The following NREP variants were observed in gnomAD, a reference collection of about 807,000 sequenced individuals.
NREP encodes neuronal regeneration related protein, also known as neuronal regeneration-related protein.
In NREP, 5 loss-of-function variants were observed where a neutral mutation model predicts 8.6. The ratio of observed to expected loss-of-function variants is 0.58; its 90% CI spans 0.30 to 1.22. The LOEUF (loss-of-function observed/expected upper bound fraction) is 1.22. Ranked by LOEUF, NREP falls within the 50% of genes most tolerant of loss-of-function variation. NREP has a pLI of 0.07. For synonymous variants in NREP, 27 were observed against 28.0 expected (o/e 0.96, Z 0.11); for missense variants, 86 against 82.5 (o/e 1.04, Z -0.17).
At chr5:111,851,331 T>G (rs534547203) in intron 2 of NREP, among the ~76,000 whole-genome samples, 3 of 152,336 alleles carry the variant, frequency 2.0e-5, no homozygotes, top group East Asian at 3.9e-4. Context: ...CCATGAAGCC[T>G]CCTGCAGATA....
At chr5:111,905,455 A>G (rs1754758268) in intron 2 of NREP, among the ~76,000 whole-genome samples, 1 of 152,184 alleles carries the variant, frequency 6.6e-6, no homozygotes, top group Admixed American at 6.6e-5. Flanking sequence ...TTAATAAAAC[A>G]GTTAAACCAA....
intron 2 of NREP, among the ~76,000 whole-genome samples, chr5:111,909,755 T>C (rs1754864261): frequency 1.3e-5 from 2 of 152,122 alleles, no homozygotes; most frequent in African/African-American, 2.4e-5. Context: ...TAACACGAAA[T>C]CCTACCAGAG....
At chr5:111,823,724 C>CAA (rs1752560619) in intron 2 of NREP, among the ~76,000 whole-genome samples, 1 of 152,142 alleles carries the variant, frequency 6.6e-6, no homozygotes, top group African/African-American at 2.4e-5. Flanking sequence ...CAAAATTTCA[C>CAA]TAAATTCTTA....
chr5:111,807,419 T>C (rs1752167014), intron 2 of NREP, among the ~76,000 whole-genome samples: 1 of 152,190 alleles, frequency 6.6e-6, no homozygotes, highest in Non-Finnish European at 1.5e-5. Flanking sequence ...CCAAATATTA[T>C]GTAAATGATA....
intron 2 of NREP, among the ~76,000 whole-genome samples, chr5:111,864,073 A>T (rs2112485553): frequency 6.6e-6 from 1 of 152,264 alleles, no homozygotes; most frequent in South Asian, 2.1e-4. Context: ...CAAGAAGGAG[A>T]ACTGTCAAGA....
At position 111,858,860 on chromosome 5, in the gene NREP, C is replaced by G. The variant is rs149723903; in HGVS notation, c.135+116414G>C. ...CAACCTTACGAGCATCAACCACCAACAAGAATACATAAAACATTTCTATGG... is the reference window on the plus strand; with the variant it reads ...CAACCTTACGAGCATCAACCACCAAGAAGAATACATAAAACATTTCTATGG... On this transcript the variant is annotated intron_variant, in intron 2 of 3. Coordinates refer to the NREP transcript ENST00000395634. Among the ~76,000 whole-genome samples the G allele has an allele frequency of 2.6e-5, 4 of 152,180 alleles. No individual in the cohort carries two copies. In the East Asian group the frequency reaches 7.7e-4, roughly 29 times the overall value.
At chr5:111,904,752 C>G (rs892578525) in intron 2 of NREP, among the ~76,000 whole-genome samples, 25 of 152,068 alleles carry the variant, frequency 1.6e-4, no homozygotes, top group African/African-American at 5.3e-4. Context: ...TAAATAAAGA[C>G]AGCAGGAACC....
chr5:111,963,887 C>G (rs1444738755), intron 2 of NREP, among the ~76,000 whole-genome samples: 1 of 152,202 alleles, frequency 6.6e-6, no homozygotes, highest in Non-Finnish European at 1.5e-5. Flanking sequence ...CCACTCAACA[C>G]TGCCTGTGTT....
chr5:111,899,658 G>A (rs1355809388), intron 2 of NREP, among the ~76,000 whole-genome samples: 1 of 152,180 alleles, frequency 6.6e-6, no homozygotes, highest in Non-Finnish European at 1.5e-5. Context: ...TGGTTGAATT[G>A]ATTTTTTTAA....
chr5:111,881,227 G>C (rs1754057283), intron 2 of NREP, among the ~76,000 whole-genome samples: 1 of 152,208 alleles, frequency 6.6e-6, no homozygotes, highest in Non-Finnish European at 1.5e-5. Flanking sequence ...CTGATTGCTA[G>C]CACAGCAGTC....
At chr5:111,975,415 G>C in intron 1 of NREP, 1 of 1,447,222 alleles carries the variant, frequency 6.9e-7, no homozygotes, top group African/African-American at 1.4e-5. Context: ...CGTGAGCACT[G>C]ACCCCCCTGA....
chr5:111,950,292 G>T (rs1197570660), intron 2 of NREP, among the ~76,000 whole-genome samples: 1 of 152,052 alleles, frequency 6.6e-6, no homozygotes, highest in Non-Finnish European at 1.5e-5. Context: ...AACAAGCAAT[G>T]GGGAAAGGAT....
chr5:111,778,024 T>C (rs1429212352), intron 2 of NREP, among the ~76,000 whole-genome samples: 2 of 152,146 alleles, frequency 1.3e-5, no homozygotes, highest in Non-Finnish European at 2.9e-5. Flanking sequence ...GTTTTGCCTG[T>C]ACGTAGAACA....
chr5:111,869,563 A>G (rs1418280082), intron 2 of NREP, among the ~76,000 whole-genome samples: 1 of 152,124 alleles, frequency 6.6e-6, no homozygotes, highest in African/African-American at 2.4e-5. Flanking sequence ...TTAGTGTAAT[A>G]CAGGTGATGC....
chr5:111,832,951 G>A (rs1163565572), intron 2 of NREP, among the ~76,000 whole-genome samples: 1 of 152,174 alleles, frequency 6.6e-6, no homozygotes, highest in Non-Finnish European at 1.5e-5. Context: ...CTGGCTTGGA[G>A]GCCACATTGG....
At chr5:111,850,547 G>T (rs950235851) in intron 2 of NREP, among the ~76,000 whole-genome samples, 3 of 150,786 alleles carry the variant, frequency 2.0e-5, no homozygotes, top group Admixed American at 6.6e-5. Context: ...TTTCTACCTT[G>T]TCAGCCCCAA....
chr5:111,892,281 T>C (rs1329254892), intron 2 of NREP, among the ~76,000 whole-genome samples: 1 of 152,168 alleles, frequency 6.6e-6, no homozygotes, highest in Non-Finnish European at 1.5e-5. Flanking sequence ...AGAGGGCATC[T>C]ACTTAAATTG....
intron 2 of NREP, among the ~76,000 whole-genome samples, chr5:111,950,946 C>G (rs1022705070): frequency 1.3e-5 from 2 of 152,048 alleles, no homozygotes; most frequent in Admixed American, 1.3e-4. Context: ...GTGCAATTGA[C>G]GTCTCCTATT....
chr5:111,796,295 T>C (rs1751871987), intron 2 of NREP, among the ~76,000 whole-genome samples: 1 of 152,194 alleles, frequency 6.6e-6, no homozygotes. Context: ...TTCTTTCATC[T>C]TTTAAGGACC....
Sources: allele counts gnomAD v4.1 joint callset (sites outside exome capture counted in the v4.1 genomes callset), GRCh38; gene constraint gnomAD v4.1.1; transcripts MANE v1.5; gene names NCBI Gene and HGNC (gene_info 2026-07-23, HGNC 2026-07-21).